SS18L1: variants seen among roughly 807,000 people sequenced by gnomAD.
SS18L1 encodes calcium-responsive transactivator.
Under a neutral mutation model 70.3 loss-of-function variants are expected in SS18L1, and 32 were observed. The observed-to-expected ratio is 0.46, with a 90% CI of 0.34 to 0.61. The LOEUF (loss-of-function observed/expected upper bound fraction) is 0.61, where lower values mean the gene tolerates loss of function less well. Ranked by LOEUF, SS18L1 falls within the 20% of genes least tolerant of loss-of-function variation. The pLI, the probability that SS18L1 is intolerant of heterozygous loss-of-function variation, is 0.01. For missense variants in SS18L1, 430 were observed against 542.1 expected (o/e 0.79, Z 2.05); for synonymous variants, 237 against 229.7 (o/e 1.03, Z -0.29).
Position 62,176,301 on chromosome 20 carries a change from A to G in SS18L1, c.1164+1657A>G, listed in dbSNP as rs549327181. Among the ~76,000 whole-genome samples the G allele has an allele frequency of 2.2e-3, 332 of 151,858 alleles. 1 individual carries two copies. The highest frequency in any genetic ancestry group is 4.1e-3 in the Admixed American group (63 of 15,260). ...GGGAGGCCAAGGCAGGAGGATCACT[A>G]GAGCCCAGGAGTTTGAGACCAGCCA... On this transcript the variant is annotated intron_variant, in intron 10 of 10. Coordinates refer to ENST00000331758, the MANE Select transcript of SS18L1 (RefSeq NM_198935.3).
At chr20:62,160,480 G>A (rs1261643389) in intron 3 of SS18L1, among the ~76,000 whole-genome samples, 1 of 152,158 alleles carries the variant, frequency 6.6e-6, no homozygotes, top group Non-Finnish European at 1.5e-5. Context: ...CCGTGCACAT[G>A]CGCTGCTGTG....
At chr20:62,166,077 T>C (rs2057424733) in intron 8 of SS18L1, among the ~76,000 whole-genome samples, 1 of 152,208 alleles carries the variant, frequency 6.6e-6, no homozygotes, top group Admixed American at 6.5e-5. Context: ...TTCTGTGGTG[T>C]CTGTGCCCCC....
Position 62,161,661 on chromosome 20 carries a change from G to C in SS18L1, c.376+81G>C, listed in dbSNP as rs945314202. ...TTGGGCAGCCGGCTGCCATGGTGGG[G>C]CACCCCACCCCTCACAGGGCTGGGC... On this transcript the variant is annotated intron_variant, in intron 4 of 10. Transcript: ENST00000331758. This position sits in a 1 kb window ranked among gnomAD's most constrained non-coding sequence, Gnocchi z 4.4. 2 of 1,529,264 alleles carry C rather than the reference G, an allele frequency of 1.3e-6. No homozygotes were observed. Among genetic ancestry groups the C allele is most frequent in the Non-Finnish European group, 1.8e-6 (2 of 1,133,548 alleles). 94.7% of individuals were successfully genotyped at this position (1,529,264 alleles called of 1,614,324 possible).
At chr20:62,152,110 T>C (rs566037818) in intron 1 of SS18L1, among the ~76,000 whole-genome samples, 3 of 152,090 alleles carry the variant, frequency 2.0e-5, no homozygotes, top group African/African-American at 7.2e-5. Flanking sequence ...ACCTTACCCA[T>C]GTGCTCCTGC....
chr20:62,181,277 T>TA lies in SS18L1; in HGVS notation c.*2071dup, dbSNP rs1250067819. The TA allele has an allele frequency of 2.9e-5, 6 of 209,716 alleles. No homozygotes were observed. 13.0% of individuals were successfully genotyped at this position (209,716 alleles called of 1,614,324 possible). On this transcript the variant is annotated 3_prime_UTR_variant, in exon 11 of 11. Transcript: ENST00000331758. ...CACCGAAATGAGAGTTCTTAATTGC[T>TA]AATTGACAAACGCGTTAGCAATTTC...
intron 8 of SS18L1, among the ~76,000 whole-genome samples, chr20:62,170,432 G>A (rs985964045): frequency 3.9e-5 from 6 of 152,208 alleles, no homozygotes; most frequent in Non-Finnish European, 8.8e-5. Flanking sequence ...CGTGAACCCC[G>A]GAGGCAGAGC....
intron 6 of SS18L1, 48 bp from the exon 7 acceptor site, chr20:62,164,097 G>C: frequency 4.0e-6 from 6 of 1,513,430 alleles, no homozygotes; most frequent in Non-Finnish European, 4.5e-6. Context: ...GGTCCTCTGA[G>C]GGAGGAGGGC....
At chr20:62,154,518 A>G in intron 1 of SS18L1, 1 of 1,017,440 alleles carries the variant, frequency 9.8e-7, no homozygotes, top group Non-Finnish European at 1.2e-6. Flanking sequence ...TCGGCCCCCC[A>G]GAGGTCTCCG....
intron 1 of SS18L1, among the ~76,000 whole-genome samples, chr20:62,157,065 C>T (rs879613446): frequency 5.2e-4 from 79 of 152,268 alleles, no homozygotes; most frequent in African/African-American, 1.8e-3. Flanking sequence ...TCTCGCCTCC[C>T]GTTGGGTCTC....
intron 5 of SS18L1, 36 bp from the exon 6 acceptor site, chr20:62,163,422 C>T: frequency 6.2e-7 from 1 of 1,610,254 alleles, no homozygotes. Context: ...CGGGAGGCTT[C>T]CCGGGGTGAT....
chr20:62,155,062 C>G (rs1209861670), intron 1 of SS18L1, among the ~76,000 whole-genome samples: 1 of 152,118 alleles, frequency 6.6e-6, no homozygotes, highest in African/African-American at 2.4e-5. Context: ...ATCACTGCAC[C>G]GGCTGACTTT....
At chr20:62,178,687 T>G (rs899169474) in intron 10 of SS18L1, among the ~76,000 whole-genome samples, 14 of 152,204 alleles carry the variant, frequency 9.2e-5, no homozygotes, top group Non-Finnish European at 1.8e-4. Flanking sequence ...TCTGGGACTA[T>G]TGGCACACGC....
intron 1 of SS18L1, among the ~76,000 whole-genome samples, chr20:62,146,605 A>ATTTTTTTTTCTTTTTTTTTTTTTTTTTT (rs2057032020): frequency 1.3e-5 from 1 of 79,714 alleles, no homozygotes; most frequent in African/African-American, 5.2e-5. Flanking sequence ...TGCTTTGATC[A>ATTTTTTTTTCTTTTTTTTTTTTTTTTTT]TTTTTTTTTT....
At chr20:62,146,052 T>C (rs142401789) in intron 1 of SS18L1, among the ~76,000 whole-genome samples, 5 of 148,740 alleles carry the variant, frequency 3.4e-5, no homozygotes, top group African/African-American at 1.0e-4. Flanking sequence ...TTCTGCGTGG[T>C]AGTGAAGGAG....
At chr20:62,179,052 C>G in intron 10 of SS18L1, 130 bp from the exon 11 acceptor site, 1 of 980,514 alleles carries the variant, frequency 1.0e-6, no homozygotes. Flanking sequence ...GTTCGCTGCC[C>G]CGCAGAGATG....
chr20:62,175,319 C>T (rs1427806033), intron 10 of SS18L1: 8 of 985,230 alleles, frequency 8.1e-6, no homozygotes, highest in Admixed American at 6.2e-5. Flanking sequence ...GACAGGTGGG[C>T]GTAGGGGCCT....
chr20:62,172,105 A>G (rs2057542392), intron 8 of SS18L1, among the ~76,000 whole-genome samples: 2 of 151,482 alleles, frequency 1.3e-5, no homozygotes, highest in Non-Finnish European at 2.9e-5. Context: ...CGGAGCTTGC[A>G]CTGAGCTGAG....
In SS18L1 at chr20:62,164,008, A is replaced by G. The variant is rs552662585; in HGVS notation, c.722-137A>G. 4.0e-5 allele frequency: 28 copies of G among 702,026 alleles called. No individual in the cohort carries two copies. The South Asian group carries it at 5.3e-4, about 13-fold the overall frequency. 43.5% of individuals were successfully genotyped at this position (702,026 alleles called of 1,614,324 possible). A position where few individuals can be genotyped will look rare whatever the true frequency, so the allele number is the denominator to read the frequency against. On this transcript the variant is annotated intron_variant, in intron 6 of 10. Coordinates refer to ENST00000331758, the MANE Select transcript of SS18L1 (RefSeq NM_198935.3). The stretch of plus-strand genomic sequence containing the variant: ...ACTAAAAATACAAAACATAAGTTGG[A>G]TACGATGACAGCGTGGGGTGTTCTC...
At chr20:62,150,700 C>T (rs1397260323) in intron 1 of SS18L1, among the ~76,000 whole-genome samples, 1 of 119,262 alleles carries the variant, frequency 8.4e-6, no homozygotes, top group Non-Finnish European at 1.6e-5. Flanking sequence ...TTCGCCCAGG[C>T]TGAGGTGCAG....
Sources: gnomAD v4.1 joint callset for allele counts (sites outside exome capture counted in the v4.1 genomes callset) on GRCh38, gnomAD v4.1.1 for gene constraint, Gnocchi (gnomAD v3.1) non-coding constraint, MANE v1.5 for transcripts, NCBI Gene and HGNC (gene_info 2026-07-23, HGNC 2026-07-21) for gene names.